WDR41: variants seen among roughly 807,000 people sequenced by gnomAD.
WDR41 encodes WD repeat domain 41, also known as WD repeat-containing protein 41.
In WDR41, 63 loss-of-function variants were observed where a neutral mutation model predicts 69.3. The observed-to-expected ratio is 0.91, with a 90% confidence interval of 0.74 to 1.12. The LOEUF is 1.12. Among genes scored for constraint, WDR41 ranks in the 50% most tolerant of loss-of-function variants. The pLI is 0.00. For missense variants in WDR41, 543 were observed against 534.5 expected (o/e 1.02, Z -0.16); for synonymous variants, 185 against 192.1 (o/e 0.96, Z 0.31).
intron 1 of WDR41, among the ~76,000 whole-genome samples, chr5:77,517,317 A>G (rs1375583373): frequency 1.3e-5 from 2 of 152,158 alleles, no homozygotes; most frequent in Non-Finnish European, 2.9e-5. Flanking sequence ...TTTAAACATC[A>G]CAAATCTCAT....
Position 77,562,798 on chromosome 5 carries a change from C to G in WDR41, c.42+57681G>C, listed in dbSNP as rs564481399. On this transcript the variant is annotated intron_variant, in intron 1 of 5. Transcript: ENST00000509971. ...GGGCCTTGGTGAGAGTAATTCATAC[C>G]AAGAGGCTAGTAAACATATTATTAG... Among the ~76,000 whole-genome samples, 244 of 152,208 alleles carry G rather than the reference C, an allele frequency of 1.6e-3. 1 individual carries two copies. Among genetic ancestry groups the G allele is most frequent in the Non-Finnish European group, 2.6e-3 (177 of 68,006 alleles).
In WDR41 at chr5:77,524,723, C is replaced by T. The variant is rs1301912519; in HGVS notation, c.43-35151G>A. Among the ~76,000 whole-genome samples, 4 of 152,270 alleles carry T rather than the reference C, an allele frequency of 2.6e-5. No homozygotes were observed. In the East Asian group the frequency reaches 7.7e-4, roughly 29 times the overall value. On this transcript the variant is annotated intron_variant, in intron 1 of 5. Transcript: ENST00000509971. ...CTCTTACTTCTGCTCCCCGCAGAAC[C>T]ACAGCCTATCTGTATATCTGCCTGG...
chr5:77,601,115 A>C (rs1417415342), intron 1 of WDR41, among the ~76,000 whole-genome samples: 1 of 152,160 alleles, frequency 6.6e-6, no homozygotes, highest in African/African-American at 2.4e-5. Flanking sequence ...TTGAAACCAA[A>C]GGAATTATAA....
At position 77,461,567 on chromosome 5, in the gene WDR41, G is replaced by A. The variant is rs117208880; in HGVS notation, c.348+1528C>T. On this transcript the variant is annotated intron_variant, in intron 4 of 12. Coordinates refer to ENST00000296679, the MANE Select transcript of WDR41 (RefSeq NM_018268.4). Reference sequence around the variant, plus strand: ...TTAAAAATTAATATGACCGGAAACAGTGGCTCATGCCAGTAATCCCAGCAC... The same window carrying A: ...TTAAAAATTAATATGACCGGAAACAATGGCTCATGCCAGTAATCCCAGCAC... Among the ~76,000 whole-genome samples the A allele has an allele frequency of 1.9e-3, 291 of 152,356 alleles. 10 individuals carry two copies. The East Asian group carries it at 0.047, about 25-fold the overall frequency.
intron 1 of WDR41, among the ~76,000 whole-genome samples, chr5:77,504,395 C>CA (rs1561208784): frequency 6.6e-6 from 1 of 151,966 alleles, no homozygotes; most frequent in Non-Finnish European, 1.5e-5. Context: ...GCCTACCAAC[C>CA]AAAAAAAGTC....
intron 2 of WDR41, among the ~76,000 whole-genome samples, chr5:77,466,598 A>G (rs1422164373): frequency 6.6e-6 from 1 of 151,958 alleles, no homozygotes; most frequent in African/African-American, 2.4e-5. Flanking sequence ...ACAATGAGAG[A>G]TGACTGAGAA....
intron 1 of WDR41, among the ~76,000 whole-genome samples, chr5:77,600,929 ATGTG>A (rs71608111): frequency 0.041 from 5,871 of 144,122 alleles, 300 homozygotes; most frequent in African/African-American, 0.12. Flanking sequence ...CTCTGTGTGT[ATGTG>A]TGTGTGTGTG....
intron 1 of WDR41, among the ~76,000 whole-genome samples, chr5:77,609,667 C>G (rs1240458732): frequency 1.1e-4 from 17 of 152,062 alleles, no homozygotes; most frequent in Non-Finnish European, 2.4e-4. Context: ...ACATCACCAT[C>G]ATCAAAGACC....
chr5:77,554,867 C>G (rs959884561), intron 1 of WDR41, among the ~76,000 whole-genome samples: 1 of 151,644 alleles, frequency 6.6e-6, no homozygotes, highest in Non-Finnish European at 1.5e-5. Flanking sequence ...GCCTGCAATC[C>G]CAGCACTTTG....
rs1286491613 is a variant in WDR41, at chr5:77,583,053, T to C, written c.42+37426A>G. On this transcript the variant is annotated intron_variant, in intron 1 of 5. Coordinates refer to the WDR41 transcript ENST00000509971. The stretch of plus-strand genomic sequence containing the variant: ...GTGGAATGAAGAAAAAGACCACCCA[T>C]TTTGTAGAAGGTAGAGATGCTGGCA... 3.1e-6 allele frequency: 5 copies of C among 1,596,448 alleles called. No individual in the cohort carries two copies. The African/African-American group carries it at 6.7e-5, about 21-fold the overall frequency.
chr5:77,580,511 A>G (rs1743916151), intron 1 of WDR41, among the ~76,000 whole-genome samples: 1 of 152,198 alleles, frequency 6.6e-6, no homozygotes, highest in Non-Finnish European at 1.5e-5. Flanking sequence ...ACAGAGCCAA[A>G]CCAAATCATA....
upstream of WDR41, among the ~76,000 whole-genome samples, chr5:77,493,620 T>C (rs1204911512): frequency 6.6e-6 from 1 of 152,208 alleles, no homozygotes; most frequent in Non-Finnish European, 1.5e-5. Context: ...TGTTGCCTTC[T>C]GTGTGCTAGC....
At position 77,464,776 on chromosome 5, in the gene WDR41, AACT is replaced by A. The variant is rs756216112; in HGVS notation, c.198_200del (p.Val68del). On this transcript the variant is annotated inframe_deletion, in exon 3 of 13. Transcript: ENST00000296679. ...CAATACACACCTGGGCATTCCACAC[AACT>A]ACAATTCCATCATCACCAGCAGATG... 54 of 1,613,810 alleles carry A rather than the reference AACT, an allele frequency of 3.3e-5. No homozygotes were observed. The highest frequency in any genetic ancestry group is 3.8e-5 in the Non-Finnish European group (45 of 1,179,904).
chr5:77,481,569 G>A (rs1408793795), intron 2 of WDR41, among the ~76,000 whole-genome samples: 1 of 152,006 alleles, frequency 6.6e-6, no homozygotes, highest in African/African-American at 2.4e-5. Flanking sequence ...GGCGGAACAC[G>A]AGATCAGGAG....
intron 10 of WDR41, 110 bp from the exon 11 acceptor site, chr5:77,437,534 T>C (rs1798991156): frequency 2.2e-6 from 2 of 929,356 alleles, no homozygotes; most frequent in African/African-American, 1.6e-5. Context: ...ATTCAGCTCT[T>C]AGCAGGAACT....
rs1801406036 is a variant in WDR41 at position 77,484,099 on chromosome 5, T to C, written c.167+5358A>G. On this transcript the variant is annotated intron_variant, in intron 2 of 12. Transcript: ENST00000296679. Reference sequence around the variant, plus strand: ...GACAAATTTGAAACTGAAATACTGTTAGACACTTGCTGTCCTTATCCTAAA... The same window carrying C: ...GACAAATTTGAAACTGAAATACTGTCAGACACTTGCTGTCCTTATCCTAAA... Among the ~76,000 whole-genome samples the C allele has an allele frequency of 3.3e-5, 5 of 152,350 alleles. 1 individual carries two copies. Among genetic ancestry groups the C allele is most frequent in the Admixed American group, 3.3e-4 (5 of 15,294 alleles).
At chr5:77,482,398 T>G (rs1801311004) in intron 2 of WDR41, among the ~76,000 whole-genome samples, 1 of 152,236 alleles carries the variant, frequency 6.6e-6, no homozygotes, top group South Asian at 2.1e-4. Flanking sequence ...TATAGTACAC[T>G]TGGTTGATTT....
At chr5:77,438,383 T>C in intron 9 of WDR41, 22 bp from the exon 10 acceptor site, 2 of 1,613,206 alleles carry the variant, frequency 1.2e-6, no homozygotes, top group Non-Finnish European at 8.5e-7. Context: ...AGTTCAGAAA[T>C]GGGCATAAAA....
At chr5:77,479,075 G>A (rs1437496958) in intron 2 of WDR41, among the ~76,000 whole-genome samples, 8 of 151,978 alleles carry the variant, frequency 5.3e-5, no homozygotes, top group African/African-American at 1.2e-4. Flanking sequence ...ATTCACAATT[G>A]CTTCAAAGAG....
Sources: allele counts gnomAD v4.1 joint callset (sites outside exome capture counted in the v4.1 genomes callset), GRCh38; gene constraint gnomAD v4.1.1; transcripts MANE v1.5; gene names NCBI Gene and HGNC (gene_info 2026-07-23, HGNC 2026-07-21).